AMBRA1: variants seen among roughly 807,000 people sequenced by gnomAD.
AMBRA1 encodes activating molecule in BECN1-regulated autophagy protein 1.
In AMBRA1, 47 loss-of-function variants were observed where a neutral mutation model predicts 125.4. The ratio of observed to expected loss-of-function variants is 0.37; its 90% CI spans 0.30 to 0.48. AMBRA1 has a LOEUF of 0.48. Among genes scored for constraint, AMBRA1 ranks in the 20% least tolerant of loss-of-function variants. The pLI is 0.99. For missense variants in AMBRA1, 1,331 were observed against 1,693.4 expected (o/e 0.79, Z 3.76); for synonymous variants, 626 against 655.5 (o/e 0.95, Z 0.69).
chr11:46,410,463 C>T, intron 15 of AMBRA1, 95 bp from the exon 16 acceptor site: 1 of 1,074,184 alleles, frequency 9.3e-7, no homozygotes, highest in Non-Finnish European at 1.4e-6. Context: ...TGGACTGTGG[C>T]TGCCCATCCT....
intron 1 of AMBRA1, among the ~76,000 whole-genome samples, chr11:46,572,984 G>A (rs999443211): frequency 2.6e-5 from 4 of 151,094 alleles, no homozygotes; most frequent in East Asian, 2.0e-4. Context: ...CCAGCTACTC[G>A]GGAGGCTGCA....
At position 46,542,879 on chromosome 11, in the gene AMBRA1, C is replaced by T. The variant is rs138732313; in HGVS notation, c.1138G>A (p.Gly380Ser). ...AGACTGAGGTTGCGGAGCGTGTTGC[C>T]GGCAGTGCTGCTCTGGACTGTACTG... is the stretch of plus-strand genomic sequence containing the variant. ...AFSTVQSSTA[G>S]NTLRNLSLGP... The change falls in exon 7 of 18, where the codon GGC becomes AGC. Residue 380 changes from glycine (G) to serine (S), a missense_variant. Coordinates refer to ENST00000683756, the MANE Select transcript of AMBRA1 (RefSeq NM_001387011.1). This position sits in a 1 kb window ranked among gnomAD's most constrained non-coding sequence, Gnocchi z 5.9. The T allele has an allele frequency of 9.3e-6, 15 of 1,612,964 alleles. No individual in the cohort carries two copies. The highest frequency in any genetic ancestry group is 1.6e-4 in the Middle Eastern group (1 of 6,084).
chr11:46,435,658 G>GC (rs1947682036), intron 12 of AMBRA1, among the ~76,000 whole-genome samples: 1 of 152,244 alleles, frequency 6.6e-6, no homozygotes, highest in Admixed American at 6.5e-5. Flanking sequence ...CGGCTGGATG[G>GC]CCAGGGCTCT....
In AMBRA1 at chr11:46,428,762, C is replaced by T. The variant is rs1947286910; in HGVS notation, c.2976+4712G>A. 5 of 1,610,942 alleles carry T rather than the reference C, an allele frequency of 3.1e-6. No individual in the cohort carries two copies. The South Asian group carries it at 4.4e-5, about 14-fold the overall frequency. On this transcript the variant is annotated intron_variant, in intron 14 of 17. Transcript: ENST00000683756. ...CTTGTCGGCACCAGGTGGCACAGCA[C>T]TCCGTCTGTAGGTATCTCTGTCAGC...
At chr11:46,585,391 G>A (rs1382589021) in intron 1 of AMBRA1, among the ~76,000 whole-genome samples, 2 of 150,606 alleles carry the variant, frequency 1.3e-5, no homozygotes, top group Non-Finnish European at 3.0e-5. Context: ...AAAAACGCTG[G>A]GCATGGTGCC....
intron 7 of AMBRA1, among the ~76,000 whole-genome samples, chr11:46,522,133 T>C (rs978703074): frequency 6.6e-6 from 1 of 152,208 alleles, no homozygotes; most frequent in Non-Finnish European, 1.5e-5. Context: ...GTATCTAGCA[T>C]TACAAAAGTC....
intron 9 of AMBRA1, among the ~76,000 whole-genome samples, chr11:46,502,072 T>C (rs1810998970): frequency 6.6e-6 from 1 of 152,102 alleles, no homozygotes; most frequent in South Asian, 2.1e-4. Flanking sequence ...CTCCAGGTCA[T>C]TTTCTTTCTT....
At position 46,475,088 on chromosome 11, in the gene AMBRA1, A is replaced by G. The variant is rs201748454; in HGVS notation, c.2521+18520T>C. ...TCTTAAACTGAAAAACAGTCTTATC[A>G]ATAGAAAAAAAATTAAAGTATTTTA... On this transcript the variant is annotated intron_variant, in intron 11 of 17. Transcript: ENST00000683756. Among the ~76,000 whole-genome samples the G allele has an allele frequency of 3.9e-5, 6 of 152,342 alleles. No homozygotes were observed. The East Asian group carries it at 1.2e-3, about 29-fold the overall frequency.
At chr11:46,405,227 TA>T (rs1292850582) in intron 17 of AMBRA1, among the ~76,000 whole-genome samples, 17 of 152,302 alleles carry the variant, frequency 1.1e-4, no homozygotes, top group Non-Finnish European at 7.4e-5. Context: ...GAGTCTCCCC[TA>T]AACCCCACAG....
At chr11:46,549,665 C>A (rs1329369715) in intron 1 of AMBRA1, among the ~76,000 whole-genome samples, 1 of 152,128 alleles carries the variant, frequency 6.6e-6, no homozygotes, top group Admixed American at 6.5e-5. Context: ...CAAAAAATTT[C>A]ATTTATGGTT....
At chr11:46,467,810 T>G (rs1385646600) in intron 11 of AMBRA1, among the ~76,000 whole-genome samples, 1 of 152,190 alleles carries the variant, frequency 6.6e-6, no homozygotes. Context: ...TGTGAGCCAC[T>G]GCACCTGGCC....
chr11:46,405,206 A>G lies in AMBRA1; in HGVS notation c.3403+3307T>C, dbSNP rs564457139. 7.2e-5 allele frequency among the ~76,000 whole-genome samples: 11 copies of G among 152,214 alleles called. 1 individual carries two copies. The highest frequency in any genetic ancestry group is 2.6e-4 in the African/African-American group (11 of 41,530). On this transcript the variant is annotated intron_variant, in intron 17 of 17. Transcript: ENST00000683756. ...ATCCTTGAAGACTAGGCTCAGGGCCACCTCCTCCAGGAGTCTCCCCTAAAC... is the reference window on the plus strand; with the variant it reads ...ATCCTTGAAGACTAGGCTCAGGGCCGCCTCCTCCAGGAGTCTCCCCTAAAC...
intron 1 of AMBRA1, among the ~76,000 whole-genome samples, chr11:46,567,672 C>T (rs1231823287): frequency 1.3e-5 from 2 of 150,860 alleles, no homozygotes; most frequent in Non-Finnish European, 3.0e-5. Context: ...TTTAAGATGT[C>T]TTTTCAGACT....
chr11:46,492,316 T>G (rs1446248726), intron 11 of AMBRA1, among the ~76,000 whole-genome samples: 2 of 152,188 alleles, frequency 1.3e-5, no homozygotes, highest in Non-Finnish European at 2.9e-5. Context: ...AAAGGCCAGA[T>G]CCCATGGCCT....
chr11:46,573,349 A>G (rs1349155899), intron 1 of AMBRA1, among the ~76,000 whole-genome samples: 1 of 151,848 alleles, frequency 6.6e-6, no homozygotes, highest in African/African-American at 2.4e-5. Flanking sequence ...GGTTGCAGTG[A>G]GCCGAGATCA....
intron 12 of AMBRA1, among the ~76,000 whole-genome samples, chr11:46,442,814 T>C (rs1459986983): frequency 2.0e-5 from 3 of 152,292 alleles, no homozygotes; most frequent in South Asian, 2.1e-4. Flanking sequence ...ACAGACAAGA[T>C]AGAAAAATTT....
chr11:46,517,479 T>G (rs1288885391), intron 7 of AMBRA1, among the ~76,000 whole-genome samples: 2 of 144,336 alleles, frequency 1.4e-5, no homozygotes, highest in African/African-American at 2.6e-5. Flanking sequence ...GGTTTTTTTT[T>G]TTTTTTTTTT....
chr11:46,497,448 G>C (rs1950677017), intron 9 of AMBRA1, among the ~76,000 whole-genome samples: 1 of 152,170 alleles, frequency 6.6e-6, no homozygotes, highest in Non-Finnish European at 1.5e-5. Context: ...GGAGAAATAG[G>C]AGCTAAATGT....
rs897157931 is a variant in AMBRA1 at position 46,406,755 on chromosome 11, G to A, written c.3403+1758C>T. ...AAATTAGTTGGGAGTGGTGGCAGGA[G>A]CCTGTAATCCCAGCTACTCGGGAGG... On this transcript the variant is annotated intron_variant, in intron 17 of 17. Transcript: ENST00000683756. Among the ~76,000 whole-genome samples, 25 of 152,166 alleles carry A rather than the reference G, an allele frequency of 1.6e-4. No individual in the cohort carries two copies. The South Asian group carries it at 5.0e-3, about 30-fold the overall frequency.
Sources: gnomAD v4.1 joint callset for allele counts (sites outside exome capture counted in the v4.1 genomes callset) on GRCh38, gnomAD v4.1.1 for gene constraint, Gnocchi (gnomAD v3.1) non-coding constraint, MANE v1.5 for transcripts, NCBI Gene and HGNC (gene_info 2026-07-23, HGNC 2026-07-21) for gene names.